Variants in ANTXR2 observed in about 807,000 individuals in gnomAD.
ANTXR2 encodes ANTXR cell adhesion molecule 2, also known as anthrax toxin receptor 2.
ANTXR2 carries 44 observed loss-of-function variants against 73.7 expected under a neutral mutation model. The ratio of observed to expected loss-of-function variants is 0.60; its 90% CI spans 0.47 to 0.77. The LOEUF is 0.77. Among genes scored for constraint, ANTXR2 ranks in the 30% least tolerant of loss-of-function variants. ANTXR2 has a pLI of 0.00. For missense variants in ANTXR2, 604 were observed against 592.5 expected, an observed-to-expected ratio of 1.02 and a Z score of -0.20; for synonymous variants, 217 against 205.9, an observed-to-expected ratio of 1.05 and a Z score of -0.46.
At chr4:79,998,432 A>T (rs1013607995) in intron 12 of ANTXR2, among the ~76,000 whole-genome samples, 5 of 152,002 alleles carry the variant, frequency 3.3e-5, no homozygotes, top group African/African-American at 1.2e-4. Flanking sequence ...TGACAACACT[A>T]CAGAAAGCCT....
chr4:80,004,987 T>C (rs1429025082), intron 12 of ANTXR2, among the ~76,000 whole-genome samples: 6 of 152,106 alleles, frequency 3.9e-5, no homozygotes, highest in South Asian at 2.1e-4. Context: ...ATAAGTAACA[T>C]TGTCATCACT....
upstream of ANTXR2, chr4:80,073,400 T>C (rs1347205978): frequency 6.6e-6 from 1 of 152,228 alleles, no homozygotes; most frequent in Non-Finnish European, 1.5e-5. Flanking sequence ...CATACCCGTA[T>C]GTCCTGCAGG....
chr4:80,012,058 A>G (rs1038685545), intron 11 of ANTXR2, among the ~76,000 whole-genome samples: 2 of 152,374 alleles, frequency 1.3e-5, no homozygotes, highest in Admixed American at 6.5e-5. Context: ...GAATCACTGG[A>G]AAGTTTCAAA....
chr4:79,926,494 A>C (rs1160202727), intron 16 of ANTXR2, among the ~76,000 whole-genome samples: 1 of 152,152 alleles, frequency 6.6e-6, no homozygotes, highest in African/African-American at 2.4e-5. Context: ...ATCTGATTTT[A>C]AGCTTAGAAA....
intron 16 of ANTXR2, among the ~76,000 whole-genome samples, chr4:79,927,972 CAT>C (rs1727887492): frequency 6.6e-6 from 1 of 152,112 alleles, no homozygotes; most frequent in Non-Finnish European, 1.5e-5. Flanking sequence ...AAAAATTAAA[CAT>C]AGAATTACTA....
intron 16 of ANTXR2, among the ~76,000 whole-genome samples, chr4:79,976,695 T>C (rs940108265): frequency 5.3e-5 from 8 of 152,332 alleles, no homozygotes; most frequent in Non-Finnish European, 1.2e-4. Flanking sequence ...GCACTGTCGC[T>C]TCAACAAAAG....
chr4:79,973,149 G>A (rs1346437643), intron 16 of ANTXR2, among the ~76,000 whole-genome samples: 5 of 152,104 alleles, frequency 3.3e-5, no homozygotes, highest in Admixed American at 1.3e-4. Flanking sequence ...AAGTAAGATA[G>A]CACTCTAGAG....
intron 2 of ANTXR2, 23 bp downstream of exon 2, chr4:80,071,560 G>A: frequency 6.3e-7 from 1 of 1,591,272 alleles, no homozygotes; most frequent in Non-Finnish European, 8.6e-7. Flanking sequence ...CCACTGCCTA[G>A]AAAAGTAAAG....
At chr4:80,056,928 T>C (rs1237195574) in intron 3 of ANTXR2, among the ~76,000 whole-genome samples, 1 of 151,840 alleles carries the variant, frequency 6.6e-6, no homozygotes, top group Non-Finnish European at 1.5e-5. Context: ...ATAAGTAAAA[T>C]AATGTGGCAA....
At chr4:79,975,065 A>C (rs140558254) in intron 16 of ANTXR2, among the ~76,000 whole-genome samples, 1 of 152,176 alleles carries the variant, frequency 6.6e-6, no homozygotes, top group South Asian at 2.1e-4. Flanking sequence ...TTCCCAGTGA[A>C]TCTTTCTGGT....
At chr4:80,002,801 C>T (rs1731112164) in intron 12 of ANTXR2, among the ~76,000 whole-genome samples, 1 of 151,506 alleles carries the variant, frequency 6.6e-6, no homozygotes, top group South Asian at 2.1e-4. Flanking sequence ...CCAAAAAACA[C>T]ATGAAAAAAT....
rs534683576 is a variant in ANTXR2, at chr4:79,984,835, G to T, written c.1070C>A (p.Ala357Asp). 2.6e-5 allele frequency: 39 copies of T among 1,486,832 alleles called. No homozygotes were observed. In the South Asian group the frequency reaches 3.0e-4, roughly 11 times the overall value. 92.1% of individuals were successfully genotyped at this position (1,486,832 alleles called of 1,614,324 possible). ...CTCACTTACCTCTTTTGGTGCAGGG[G>T]CGGGTGGTGGTGGAGGATCCTTAAT... Reference protein sequence around the residue: ...VVIKDPPPPPAPAPKEEEEEP... With the variant: ...VVIKDPPPPPDPAPKEEEEEP... Residue 357 changes from alanine (A) to aspartate (D), a missense_variant, in exon 13 of 17, where the codon GCC becomes GAC. Coordinates refer to ENST00000403729, the MANE Select transcript of ANTXR2 (RefSeq NM_058172.6).
chr4:79,923,130 A>G (rs1377837004), intron 16 of ANTXR2, among the ~76,000 whole-genome samples: 1 of 152,074 alleles, frequency 6.6e-6, no homozygotes, highest in Non-Finnish European at 1.5e-5. Context: ...ACTGGGCTTG[A>G]AATATTAAAT....
chr4:79,984,856 T>C lies in ANTXR2; in HGVS notation c.1049A>G (p.Lys350Arg). The part of the protein sequence containing the change: ...FWPLCCKVVI[K>R]DPPPPPAPAP... ...AGGGGCGGGTGGTGGTGGAGGATCC[T>C]TAATAACCTGTCAAAAAAAATCAAA... The change falls in exon 13 of 17, where the codon AAG becomes AGG. Residue 350 changes from lysine (K) to arginine (R), a missense_variant. Lys to Arg is a conservative substitution (Grantham distance 26, BLOSUM62 2). Coordinates refer to ENST00000403729, the MANE Select transcript of ANTXR2 (RefSeq NM_058172.6). 1 of 1,602,296 alleles carries C rather than the reference T, an allele frequency of 6.2e-7. No homozygotes were observed. Among genetic ancestry groups the C allele is most frequent in the Non-Finnish European group, 8.5e-7 (1 of 1,174,288 alleles).
chr4:80,017,402 A>G (rs1033450940), intron 11 of ANTXR2, among the ~76,000 whole-genome samples: 5 of 152,156 alleles, frequency 3.3e-5, no homozygotes, highest in African/African-American at 1.2e-4. Flanking sequence ...TGACTGTTAC[A>G]GCTTGCTCCT....
At chr4:79,956,385 T>C (rs1728885198) in intron 16 of ANTXR2, among the ~76,000 whole-genome samples, 1 of 151,992 alleles carries the variant, frequency 6.6e-6, no homozygotes, top group Admixed American at 6.6e-5. Context: ...CCTGAATAGG[T>C]AGAGGAATCA....
intron 8 of ANTXR2, among the ~76,000 whole-genome samples, chr4:80,033,932 T>C (rs915425579): frequency 6.6e-6 from 1 of 152,056 alleles, no homozygotes; most frequent in Non-Finnish European, 1.5e-5. Flanking sequence ...GAAAAAACTT[T>C]GTTTTTCCCT....
At chr4:79,987,420 C>CA (rs565189151) in intron 12 of ANTXR2, among the ~76,000 whole-genome samples, 5 of 148,818 alleles carry the variant, frequency 3.4e-5, no homozygotes, top group East Asian at 2.0e-4. Flanking sequence ...TCAATGCAGG[C>CA]AAAAAAAAAT....
intron 11 of ANTXR2, among the ~76,000 whole-genome samples, chr4:80,015,384 C>T (rs912986080): frequency 2.0e-5 from 3 of 152,138 alleles, no homozygotes; most frequent in African/African-American, 4.8e-5. Context: ...ATTTATATGG[C>T]TATTTCTAGG....
Sources: allele counts gnomAD v4.1 joint callset (sites outside exome capture counted in the v4.1 genomes callset), GRCh38; gene constraint gnomAD v4.1.1; transcripts MANE v1.5; gene names NCBI Gene and HGNC (gene_info 2026-07-23, HGNC 2026-07-21).